DIP2C: variants seen among roughly 807,000 people sequenced by gnomAD.
The protein encoded by DIP2C is DIP2 acetate--CoA ligase C (putative).
A neutral mutation model predicts 192.4 loss-of-function variants in DIP2C; 33 were observed. The observed-to-expected ratio is 0.17, with a 90% CI of 0.13 to 0.23. DIP2C has a LOEUF of 0.23. Among genes scored for constraint, DIP2C ranks in the 10% least tolerant of loss-of-function variants. The pLI, the probability that DIP2C is intolerant of heterozygous loss-of-function variation, is 1.00. For synonymous variants in DIP2C, 979 were observed against 864.1 expected (o/e 1.13, Z -2.33); for missense variants, 1,537 against 2,110.1 (o/e 0.73, Z 5.32).
At chr10:679,731 C>G (rs1054092844) in intron 1 of DIP2C, among the ~76,000 whole-genome samples, 13 of 151,722 alleles carry the variant, frequency 8.6e-5, no homozygotes, top group Non-Finnish European at 1.5e-4. Flanking sequence ...TCCGTCCTCC[C>G]CACGCCCATC....
At chr10:617,641 C>T (rs1853560342) in intron 1 of DIP2C, among the ~76,000 whole-genome samples, 1 of 151,438 alleles carries the variant, frequency 6.6e-6, no homozygotes. Context: ...ACTGTCCAGG[C>T]TCCTGTGGAT....
intron 15 of DIP2C, 73 bp downstream of exon 15, chr10:384,473 G>A: frequency 6.8e-7 from 1 of 1,473,954 alleles, no homozygotes; most frequent in Non-Finnish European, 9.4e-7. Flanking sequence ...CCTGACCTCA[G>A]GTGATCCACC....
chr10:495,175 G>C (rs1388515584), intron 1 of DIP2C, among the ~76,000 whole-genome samples: 2 of 152,134 alleles, frequency 1.3e-5, no homozygotes, highest in Non-Finnish European at 2.9e-5. Context: ...TCTTAAAAAA[G>C]TAGAATTTGT....
At chr10:397,772 G>A (rs1228155849) in intron 10 of DIP2C, among the ~76,000 whole-genome samples, 1 of 152,188 alleles carries the variant, frequency 6.6e-6, no homozygotes, top group Non-Finnish European at 1.5e-5. Flanking sequence ...ACCTTACATT[G>A]GTATGAGCGT....
chr10:370,074 G>A, intron 17 of DIP2C: 1 of 982,264 alleles, frequency 1.0e-6, no homozygotes, highest in Non-Finnish European at 1.2e-6. Flanking sequence ...CCACTGAACA[G>A]CAATGATGGA....
At chr10:579,235 G>A (rs375486758) in intron 1 of DIP2C, among the ~76,000 whole-genome samples, 182 of 149,880 alleles carry the variant, frequency 1.2e-3, no homozygotes, top group African/African-American at 2.8e-3. Context: ...TTTAGTGTAC[G>A]TACATAGGTA....
chr10:367,188 C>T (rs185934000), intron 18 of DIP2C, among the ~76,000 whole-genome samples: 12 of 152,302 alleles, frequency 7.9e-5, no homozygotes, highest in East Asian at 7.7e-4. Context: ...GAGGCCGAGG[C>T]GGGCGGATCA....
rs373957297 is a variant in DIP2C at position 401,935 on chromosome 10, C to A, written c.1150-2716G>T. Reference sequence around the variant, plus strand: ...CACGTGTGGTAGCATTAGCGTTACTCTTCCTTATGGACAAGTTTGGTATGT... The same window carrying A: ...CACGTGTGGTAGCATTAGCGTTACTATTCCTTATGGACAAGTTTGGTATGT... On this transcript the variant is annotated intron_variant, in intron 9 of 36. Coordinates refer to ENST00000280886, the MANE Select transcript of DIP2C (RefSeq NM_014974.3). Among the ~76,000 whole-genome samples, 85 of 149,594 alleles carry A rather than the reference C, an allele frequency of 5.7e-4. 1 individual carries two copies. The highest frequency in any genetic ancestry group is 2.1e-3 in the African/African-American group (84 of 40,282).
intron 33 of DIP2C, among the ~76,000 whole-genome samples, chr10:287,794 C>G (rs1187850016): frequency 6.6e-6 from 1 of 151,984 alleles, no homozygotes; most frequent in Non-Finnish European, 1.5e-5. Context: ...GCAGAAACTA[C>G]TGGTTGTCTC....
intron 3 of DIP2C, among the ~76,000 whole-genome samples, chr10:468,493 G>T (rs994996267): frequency 2.0e-5 from 3 of 152,170 alleles, no homozygotes; most frequent in Non-Finnish European, 4.4e-5. Context: ...AGGTGCAGTG[G>T]CTCACACCTG....
Position 399,121 on chromosome 10 carries a change from C to T in DIP2C, c.1248G>A (p.Pro416=), listed in dbSNP as rs6560837. The change falls in exon 10 of 37, where the codon CCG becomes CCA. Residue 416 remains proline (P), a synonymous_variant. Transcript: ENST00000280886. The part of the protein sequence containing the change: ...AEVVPVPIEV[P]LTRKDAGSQQ... ...GCGCATTCCTTACCTTCCTGGTGAGCGGCACCTCGATGGGCACGGGGACCA... is the reference window on the plus strand; with the variant it reads ...GCGCATTCCTTACCTTCCTGGTGAGTGGCACCTCGATGGGCACGGGGACCA... 1,603,360 of 1,613,718 alleles carry T rather than the reference C, an allele frequency of 0.99. 796,696 individuals carry two copies. The highest frequency in any genetic ancestry group is 1 in the South Asian group (91,003 of 91,072).
At chr10:409,272 T>C (rs4501918) in intron 8 of DIP2C, among the ~76,000 whole-genome samples, 151,575 of 151,640 alleles carry the variant, frequency 1, 75,755 homozygotes, top group Middle Eastern at 1. Flanking sequence ...TAAAACCAAG[T>C]GTTGGCCTGT....
chr10:419,140 C>G lies in DIP2C; in HGVS notation c.664G>C (p.Glu222Gln), dbSNP rs747185435. The G allele has an allele frequency of 1.2e-6, 2 of 1,614,264 alleles. No individual in the cohort carries two copies. Among genetic ancestry groups the G allele is most frequent in the South Asian group, 2.2e-5 (2 of 91,086 alleles). The change falls in exon 6 of 37, where the codon GAG (glutamate) becomes CAG (glutamine). Residue 222 changes from glutamate (E) to glutamine (Q), a missense_variant. Glu to Gln is a conservative substitution (Grantham distance 29). Around this residue, in one of 4 missense-constraint regions of DIP2C, gnomAD observed 473 missense variants for 539.6 expected, o/e 0.88. Coordinates refer to ENST00000280886, the MANE Select transcript of DIP2C (RefSeq NM_014974.3). ...GACCCCGTGGAACCCTGCGGTCTCT[C>G]CACCTGTATCGAGTGCTCTGAGGTG... Reference protein sequence around the residue: ...TYTSEHSIQVERPQGSTGSRT... With the variant: ...TYTSEHSIQVQRPQGSTGSRT...
chr10:483,343 C>A (rs1398763979), intron 2 of DIP2C, among the ~76,000 whole-genome samples: 1 of 152,232 alleles, frequency 6.6e-6, no homozygotes, highest in African/African-American at 2.4e-5. Context: ...AAGTCACGTC[C>A]CATGGGGCCA....
chr10:544,074 C>T (rs180742062), intron 1 of DIP2C, among the ~76,000 whole-genome samples: 4 of 152,342 alleles, frequency 2.6e-5, no homozygotes, highest in South Asian at 2.1e-4. Flanking sequence ...TCGTACAGTG[C>T]GTGACCTTTA....
intron 7 of DIP2C, among the ~76,000 whole-genome samples, chr10:414,739 G>GTCTGTATATATA: frequency 4.4e-5 from 4 of 90,510 alleles, no homozygotes; most frequent in African/African-American, 1.4e-4. Flanking sequence ...GTGTGTGTGT[G>GTCTGTATATATA]TACATATATA....
intron 1 of DIP2C, among the ~76,000 whole-genome samples, chr10:570,462 T>TC (rs1588483180): frequency 6.6e-6 from 1 of 151,998 alleles, no homozygotes; most frequent in African/African-American, 2.4e-5. Flanking sequence ...TTGCTACCAT[T>TC]CCTAAGACAT....
At chr10:280,022 G>T (rs1954730025) in intron 36 of DIP2C, among the ~76,000 whole-genome samples, 1 of 152,200 alleles carries the variant, frequency 6.6e-6, no homozygotes, top group Non-Finnish European at 1.5e-5. Context: ...AATAAGGTAG[G>T]CCCTGGCCGA....
rs1165913080 is a variant in DIP2C, at chr10:416,844, G to A, written c.740-956C>T. The stretch of plus-strand genomic sequence containing the variant: ...CAGAGCTGTGGGCTTGGACGGTGCA[G>A]GGGTCTCTGTAGGTGCAGCTGGCAG... On this transcript the variant is annotated intron_variant, in intron 6 of 36. Coordinates refer to ENST00000280886, the MANE Select transcript of DIP2C (RefSeq NM_014974.3). Among the ~76,000 whole-genome samples the A allele has an allele frequency of 2.6e-5, 4 of 152,156 alleles. No homozygotes were observed. In the East Asian group the frequency reaches 7.7e-4, roughly 29 times the overall value.
Sources: allele counts gnomAD v4.1 joint callset (sites outside exome capture counted in the v4.1 genomes callset), GRCh38; gene constraint gnomAD v4.1.1; regional missense constraint gnomAD v4.1.1; transcripts MANE v1.5; gene names NCBI Gene and HGNC (gene_info 2026-07-23, HGNC 2026-07-21).